SRP19: variants seen among roughly 807,000 people sequenced by gnomAD.
The protein encoded by SRP19 is signal recognition particle 19 kDa protein.
A neutral mutation model predicts 22.4 loss-of-function variants in SRP19; 11 were observed. The observed-to-expected ratio is 0.49, with a 90% CI of 0.31 to 0.81. The LOEUF is 0.81. Among genes scored for constraint, SRP19 ranks in the 40% least tolerant of loss-of-function variants. The pLI is 0.05. For missense variants in SRP19, 168 were observed against 175.9 expected (o/e 0.96, Z 0.25); for synonymous variants, 61 against 57.6 (o/e 1.06, Z -0.27).
chr5:112,863,810 AC>A (rs1345961770), intron 2 of SRP19, among the ~76,000 whole-genome samples: 1 of 152,132 alleles, frequency 6.6e-6, no homozygotes, highest in Non-Finnish European at 1.5e-5. Flanking sequence ...GACTACAGGC[AC>A]ATGCCACCAT....
At chr5:112,876,150 C>T (rs986400208) in intron 4 of SRP19, among the ~76,000 whole-genome samples, 9 of 151,922 alleles carry the variant, frequency 5.9e-5, no homozygotes, top group African/African-American at 2.2e-4. Flanking sequence ...GATTCGGTTT[C>T]CTTTAAATGT....
downstream of SRP19, among the ~76,000 whole-genome samples, chr5:112,874,130 C>T (rs1767843144): frequency 6.6e-6 from 1 of 152,154 alleles, no homozygotes; most frequent in African/African-American, 2.4e-5. Flanking sequence ...CATGCCACTG[C>T]ACTCCAGCCT....
At position 112,868,039 on chromosome 5, in the gene SRP19, GA is replaced by G. The variant is rs1374517079; in HGVS notation, c.*503del. On this transcript the variant is annotated 3_prime_UTR_variant, in exon 5 of 5. Transcript: ENST00000505459. Reference sequence around the variant, plus strand: ...GTGGTAGGTCCTTTTGTGGGTGGGGGACAGGGGAGTCTGTAAAAAGCCAGTC... The same window carrying G: ...GTGGTAGGTCCTTTTGTGGGTGGGGGCAGGGGAGTCTGTAAAAAGCCAGTC... 1.0e-6 allele frequency: 1 copy of G among 985,644 alleles called. No individual in the cohort carries two copies. The highest frequency in any genetic ancestry group is 1.2e-6 in the Non-Finnish European group (1 of 830,182). The allele number at this position is 985,644 out of a possible 1,614,324, so 61.1% of individuals were successfully genotyped here.
At chr5:112,862,646 A>G in intron 2 of SRP19, 63 bp downstream of exon 2, 1 of 1,474,722 alleles carries the variant, frequency 6.8e-7, no homozygotes, top group Non-Finnish European at 9.4e-7. Context: ...TGGTCGGGCC[A>G]CGTAATCTTG....
chr5:112,875,077 A>G (rs1328624516), intron 4 of SRP19, among the ~76,000 whole-genome samples: 3 of 152,124 alleles, frequency 2.0e-5, no homozygotes, highest in Non-Finnish European at 4.4e-5. Context: ...TGCCCGGCCC[A>G]CACCAAAGTT....
chr5:112,870,447 C>G (rs976796095), downstream of SRP19, among the ~76,000 whole-genome samples: 5 of 151,980 alleles, frequency 3.3e-5, no homozygotes, highest in African/African-American at 1.2e-4. Context: ...TGCTATTCCA[C>G]TCACCTCAGC....
downstream of SRP19, among the ~76,000 whole-genome samples, chr5:112,873,478 C>A (rs1767805404): frequency 6.6e-6 from 1 of 151,468 alleles, no homozygotes; most frequent in African/African-American, 2.4e-5. Context: ...TCCCGAGTAG[C>A]TGGGATTACA....
chr5:112,887,130 C>A (rs1456695788), intron 4 of SRP19: 1 of 1,612,908 alleles, frequency 6.2e-7, no homozygotes. Context: ...GCTTGTAGAG[C>A]AGTTCAGCCC....
rs556525860 is a variant in SRP19, at chr5:112,889,309, A to G, written c.302-2294A>G. On this transcript the variant is annotated intron_variant, in intron 4 of 4. Coordinates refer to the SRP19 transcript ENST00000391338. ...CCCCAAAACTATAGCTGTATGCTTA[A>G]GAAACATACCTACAACAAAACCAAA... is the stretch of plus-strand genomic sequence containing the variant. Among the ~76,000 whole-genome samples the G allele has an allele frequency of 2.0e-5, 3 of 151,100 alleles. 1 individual carries two copies. In the East Asian group the frequency reaches 6.0e-4, roughly 30 times the overall value.
rs1047359433 is a variant in SRP19 at position 112,862,276 on chromosome 5, G to A, written c.42-232G>A. The A allele has an allele frequency of 1.5e-4, 85 of 575,418 alleles. No individual in the cohort carries two copies. In the African/African-American group the frequency reaches 1.5e-3, roughly 10 times the overall value. The allele number at this position is 575,418 out of a possible 1,614,324, so 35.6% of individuals were successfully genotyped here. A position where few individuals can be genotyped will look rare whatever the true frequency, so the allele number is the denominator to read the frequency against. The stretch of plus-strand genomic sequence containing the variant: ...GCCAGTCTGATTGGTTGAGGGAGGG[G>A]GATCAATCAGAAAGAGGAGTAGGCC... On this transcript the variant is annotated intron_variant, in intron 1 of 4. Transcript: ENST00000505459.
chr5:112,863,376 G>A (rs1767478489), intron 2 of SRP19, among the ~76,000 whole-genome samples: 1 of 152,126 alleles, frequency 6.6e-6, no homozygotes, highest in Non-Finnish European at 1.5e-5. Flanking sequence ...GTCAATAGCA[G>A]CACCATTGCC....
At chr5:112,892,017 G>C (rs772720429) in exon 5 of SRP19, 1 of 1,317,294 alleles carries the variant, frequency 7.6e-7, no homozygotes, top group African/African-American at 1.5e-5. Flanking sequence ...AGAGAGAAGA[G>C]GAGGAGCAGA....
chr5:112,898,159 T>G (rs1306148879), exon 4 of SRP19: 1 of 152,266 alleles, frequency 6.6e-6, no homozygotes, highest in African/African-American at 2.4e-5. Context: ...AGATGGATTC[T>G]AGTCCCTAAA....
At chr5:112,882,583 A>G (rs1768114421) in intron 4 of SRP19, among the ~76,000 whole-genome samples, 1 of 152,202 alleles carries the variant, frequency 6.6e-6, no homozygotes, top group Non-Finnish European at 1.5e-5. Flanking sequence ...GCAAATCTCA[A>G]GCATGCCTTT....
intron 1 of SRP19, among the ~76,000 whole-genome samples, chr5:112,861,671 G>A (rs11241186): frequency 0.064 from 9,793 of 152,306 alleles, 391 homozygotes; most frequent in South Asian, 0.14. Context: ...AGGATTTTGG[G>A]TGCTACGTGG....
chr5:112,885,308 A>C (rs17369487), intron 4 of SRP19: 1,989 of 173,902 alleles, frequency 0.011, 26 homozygotes, highest in Non-Finnish European at 0.013. Flanking sequence ...AGTGACCTGA[A>C]ACAGCAAGTG....
downstream of SRP19, chr5:112,897,012 A>T (rs1189778514): frequency 6.6e-6 from 1 of 152,228 alleles, no homozygotes; most frequent in Non-Finnish European, 1.5e-5. Flanking sequence ...ATTATGTATA[A>T]TCGCATGACA....
intron 4 of SRP19, among the ~76,000 whole-genome samples, chr5:112,875,605 C>T (rs1767876443): frequency 6.6e-6 from 1 of 151,926 alleles, no homozygotes; most frequent in Non-Finnish European, 1.5e-5. Context: ...TGCACTCAAG[C>T]AATCCGCCCA....
chr5:112,890,064 T>C (rs371071289), intron 4 of SRP19, among the ~76,000 whole-genome samples: 3 of 150,410 alleles, frequency 2.0e-5, no homozygotes, highest in African/African-American at 7.4e-5. Context: ...TGACCTCAAA[T>C]GATCCACCCC....
Sources: allele counts gnomAD v4.1 joint callset (sites outside exome capture counted in the v4.1 genomes callset), GRCh38; gene constraint gnomAD v4.1.1; transcripts MANE v1.5; gene names NCBI Gene and HGNC (gene_info 2026-07-23, HGNC 2026-07-21).